The following EPB41L1 variants were observed in gnomAD, a reference collection of about 807,000 sequenced individuals.
EPB41L1 encodes the protein erythrocyte membrane protein band 4.1 like 1.
EPB41L1 carries 29 observed loss-of-function variants against 97.8 expected under a neutral mutation model. The observed-to-expected ratio is 0.30, with a 90% confidence interval of 0.22 to 0.40. EPB41L1 has a LOEUF of 0.40. Among genes scored for constraint, EPB41L1 ranks in the 10% least tolerant of loss-of-function variants. EPB41L1 has a pLI of 1.00. For missense variants in EPB41L1, 812 were observed against 1,162.3 expected (o/e 0.70, Z 4.38); for synonymous variants, 383 against 459.2 (o/e 0.83, Z 2.12).
chr20:36,107,358 T>C (rs2058226284), intron 1 of EPB41L1, among the ~76,000 whole-genome samples: 2 of 151,368 alleles, frequency 1.3e-5, no homozygotes, highest in African/African-American at 4.8e-5. Flanking sequence ...GTAGCTGGGA[T>C]TACAGATGCA....
Position 36,206,494 on chromosome 20 carries a change from G to C in EPB41L1, c.1669-2994G>C, listed in dbSNP as rs758236488. 9 of 1,289,882 alleles carry C rather than the reference G, an allele frequency of 7.0e-6. No homozygotes were observed. In the South Asian group the frequency reaches 1.1e-4, roughly 16 times the overall value. The allele number at this position is 1,289,882 out of a possible 1,614,324, so 79.9% of individuals were successfully genotyped here. A position where few individuals can be genotyped will look rare whatever the true frequency, so the allele number is the denominator to read the frequency against. Reference sequence around the variant, plus strand: ...CTTCTATTTAAATTATGAAGAAAAAGACTCAGAAGACCAAGTCCTCCCTCC... The same window carrying C: ...CTTCTATTTAAATTATGAAGAAAAACACTCAGAAGACCAAGTCCTCCCTCC... On this transcript the variant is annotated intron_variant, in intron 14 of 21. Coordinates refer to ENST00000338074, the MANE Select transcript of EPB41L1 (RefSeq NM_012156.2). The surrounding 1 kb of genome is among the most constrained non-coding windows in gnomAD (Gnocchi z 5.5).
chr20:36,121,326 T>C (rs2058746205), intron 2 of EPB41L1, among the ~76,000 whole-genome samples: 1 of 152,106 alleles, frequency 6.6e-6, no homozygotes, highest in Non-Finnish European at 1.5e-5. Context: ...TCCCAAGGGG[T>C]AGTGACAAAG....
chr20:36,206,650 TC>T lies in EPB41L1; in HGVS notation c.1669-2834del. ...GAGCAAGGACGAAGCCCACATGACTTCCCCAAAGGAAGGGGCAGGGACCCCC... is the reference window on the plus strand; with the variant it reads ...GAGCAAGGACGAAGCCCACATGACTTCCCAAAGGAAGGGGCAGGGACCCCC... On this transcript the variant is annotated intron_variant, in intron 14 of 21. Transcript: ENST00000338074. The surrounding 1 kb of genome is among the most constrained non-coding windows in gnomAD (Gnocchi z 5.5). 7.8e-7 allele frequency: 1 copy of T among 1,289,470 alleles called. No homozygotes were observed. The highest frequency in any genetic ancestry group is 2.1e-4 in the Middle Eastern group (1 of 4,696). The allele number at this position is 1,289,470 out of a possible 1,614,324, so 79.9% of individuals were successfully genotyped here. A position where few individuals can be genotyped will look rare whatever the true frequency, so the allele number is the denominator to read the frequency against.
intron 2 of EPB41L1, among the ~76,000 whole-genome samples, chr20:36,132,572 G>GGGC (rs2059256455): frequency 7.9e-6 from 1 of 127,292 alleles, no homozygotes; most frequent in Admixed American, 7.7e-5. Flanking sequence ...GTGGGCGGGG[G>GGGC]GGGGGGGCGC....
intron 14 of EPB41L1, among the ~76,000 whole-genome samples, chr20:36,198,648 G>GA (rs2062338216): frequency 6.6e-6 from 1 of 152,130 alleles, no homozygotes; most frequent in Non-Finnish European, 1.5e-5. Context: ...GTGTTTTCTC[G>GA]ATTGAAGAAG....
At chr20:36,097,597 A>C (rs758515760) in intron 1 of EPB41L1, among the ~76,000 whole-genome samples, 2 of 152,250 alleles carry the variant, frequency 1.3e-5, no homozygotes, top group African/African-American at 2.4e-5. Flanking sequence ...GGGTGGGAGC[A>C]GACATGTAAA....
chr20:36,145,626 T>C (rs1428214897), intron 2 of EPB41L1, among the ~76,000 whole-genome samples: 2 of 152,204 alleles, frequency 1.3e-5, no homozygotes, highest in African/African-American at 2.4e-5. Context: ...GCTCTAATTA[T>C]GCCTCTGCTC....
chr20:36,199,053 TTCAAA>T (rs1390676328), intron 14 of EPB41L1, among the ~76,000 whole-genome samples: 1 of 152,206 alleles, frequency 6.6e-6, no homozygotes, highest in East Asian at 1.9e-4. Flanking sequence ...GGAGGTTAAC[TTCAAA>T]TCAGGATAAA....
chr20:36,139,221 C>A (rs183739933), intron 2 of EPB41L1, among the ~76,000 whole-genome samples: 117 of 152,316 alleles, frequency 7.7e-4, no homozygotes, highest in Admixed American at 2.8e-3. Flanking sequence ...TCTTGGCTCA[C>A]TGATTTCCTA....
At chr20:36,222,807 C>G (rs2063863649) in intron 21 of EPB41L1, among the ~76,000 whole-genome samples, 1 of 152,176 alleles carries the variant, frequency 6.6e-6, no homozygotes, top group African/African-American at 2.4e-5. Context: ...ACGTTCCTGG[C>G]CCTGAGTCTC....
rs975249123 is a variant in EPB41L1 at position 36,093,991 on chromosome 20, C to T, written c.-65+2379C>T. 9.9e-5 allele frequency among the ~76,000 whole-genome samples: 15 copies of T among 152,282 alleles called. No individual in the cohort carries two copies. The highest frequency in any genetic ancestry group is 3.4e-3 in the Middle Eastern group (1 of 294). On this transcript the variant is annotated intron_variant, in intron 1 of 19. Coordinates refer to the EPB41L1 transcript ENST00000202028. The surrounding 1 kb of genome is among the most constrained non-coding windows in gnomAD (Gnocchi z 5.4). ...ACTCTCTTAAAGGGCCAGCTCCTCACTCCAGGGAATCCCTCCTCAGGAGAC... is the reference window on the plus strand; with the variant it reads ...ACTCTCTTAAAGGGCCAGCTCCTCATTCCAGGGAATCCCTCCTCAGGAGAC...
chr20:36,098,535 C>G (rs1401679316), intron 1 of EPB41L1, among the ~76,000 whole-genome samples: 2 of 152,210 alleles, frequency 1.3e-5, no homozygotes, highest in African/African-American at 4.8e-5. Flanking sequence ...GCATCTGCCT[C>G]TGTCGTCACG....
intron 1 of EPB41L1, among the ~76,000 whole-genome samples, chr20:36,105,231 T>C (rs750115089): frequency 1.3e-5 from 2 of 152,094 alleles, no homozygotes; most frequent in Non-Finnish European, 1.5e-5. Context: ...CCCTGGACTG[T>C]AGTGGTATCA....
At chr20:36,117,275 G>C (rs1292009806) in intron 2 of EPB41L1, among the ~76,000 whole-genome samples, 1 of 152,158 alleles carries the variant, frequency 6.6e-6, no homozygotes, top group African/African-American at 2.4e-5. Context: ...GGGGACTCAG[G>C]CCTCAGGAAT....
In EPB41L1 at chr20:36,206,621, G is replaced by A; in HGVS notation, c.1669-2867G>A. The A allele has an allele frequency of 7.8e-7, 1 of 1,289,858 alleles. No individual in the cohort carries two copies. The highest frequency in any genetic ancestry group is 1.5e-5 in the African/African-American group (1 of 66,002). The allele number at this position is 1,289,858 out of a possible 1,614,324, so 79.9% of individuals were successfully genotyped here. On this transcript the variant is annotated intron_variant, in intron 14 of 21. Transcript: ENST00000338074. The surrounding 1 kb of genome is among the most constrained non-coding windows in gnomAD (Gnocchi z 5.5). ...CTGAGGGTTTCTGCTGCTGCTTCCA[G>A]CAGGAGCAAGGACGAAGCCCACATG... is the stretch of plus-strand genomic sequence containing the variant.
intron 17 of EPB41L1, among the ~76,000 whole-genome samples, chr20:36,218,196 G>A (rs1292779341): frequency 6.6e-6 from 1 of 152,166 alleles, no homozygotes; most frequent in Non-Finnish European, 1.5e-5. Flanking sequence ...CTTGCTGGGA[G>A]ACTGAACTCT....
At chr20:36,104,350 GA>G (rs2058120436) in intron 1 of EPB41L1, among the ~76,000 whole-genome samples, 2 of 152,206 alleles carry the variant, frequency 1.3e-5, no homozygotes, top group Admixed American at 1.3e-4. Flanking sequence ...AAGGAGGCGG[GA>G]AAGAGCAGAG....
chr20:36,154,708 C>G (rs2060211917), upstream of EPB41L1: 1 of 983,984 alleles, frequency 1.0e-6, no homozygotes, highest in East Asian at 1.1e-4. The surrounding 1 kb of genome is among the most constrained non-coding windows in gnomAD (Gnocchi z 5.5). Flanking sequence ...CCCTGGCGCA[C>G]GCCGAGCCGC....
At chr20:36,098,142 T>C (rs1418903740) in intron 1 of EPB41L1, among the ~76,000 whole-genome samples, 1 of 152,174 alleles carries the variant, frequency 6.6e-6, no homozygotes, top group East Asian at 1.9e-4. Flanking sequence ...TGTAAGCCTG[T>C]CTTCAGCCTG....
Sources: gnomAD v4.1 joint callset for allele counts (sites outside exome capture counted in the v4.1 genomes callset) on GRCh38, gnomAD v4.1.1 for gene constraint, Gnocchi (gnomAD v3.1) non-coding constraint, MANE v1.5 for transcripts, NCBI Gene and HGNC (gene_info 2026-07-23, HGNC 2026-07-21) for gene names.